Variants in SLC11A2 observed in about 807,000 individuals in gnomAD.
SLC11A2 encodes solute carrier family 11 member 2.
Under a neutral mutation model 68.0 loss-of-function variants are expected in SLC11A2, and 38 were observed. The ratio of observed to expected loss-of-function variants is 0.56; its 90% CI spans 0.43 to 0.73. The LOEUF is 0.73. Among genes scored for constraint, SLC11A2 ranks in the 30% least tolerant of loss-of-function variants. SLC11A2 has a pLI of 0.00. For synonymous variants in SLC11A2, 242 were observed against 250.6 expected (o/e 0.97, Z 0.32); for missense variants, 517 against 690.5 (o/e 0.75, Z 2.82).
chr12:50,997,984 C>T (rs1038857242), intron 8 of SLC11A2, among the ~76,000 whole-genome samples: 1 of 34,222 alleles, frequency 2.9e-5, no homozygotes, highest in African/African-American at 5.8e-5. Flanking sequence ...GAGACTCCAT[C>T]TCAAAAAAAA....
At chr12:50,967,059 G>T in the SLC11A2 span, among the ~76,000 whole-genome samples, 1 of 151,762 alleles carries the variant, frequency 6.6e-6, no homozygotes, top group African/African-American at 2.4e-5. Context: ...GGTTGCAGTA[G>T]GCCAAGATCA....
chr12:51,013,289 C>CTTTT (rs10588295), intron 1 of SLC11A2, among the ~76,000 whole-genome samples: 7 of 130,984 alleles, frequency 5.3e-5, no homozygotes, highest in African/African-American at 1.7e-4. Flanking sequence ...AATTAAATTG[C>CTTTT]TTTTTTTTTT....
the SLC11A2 span, among the ~76,000 whole-genome samples, chr12:50,970,201 T>G: frequency 6.6e-6 from 1 of 152,214 alleles, no homozygotes; most frequent in African/African-American, 2.4e-5. Context: ...CACCAATATT[T>G]TGGTGGCACT....
the SLC11A2 span, chr12:50,960,891 G>T: frequency 7.8e-7 from 1 of 1,281,154 alleles, no homozygotes; most frequent in Non-Finnish European, 1.1e-6. Context: ...TGTTGCCCAG[G>T]CTGTTTTCAA....
the SLC11A2 span, among the ~76,000 whole-genome samples, chr12:50,955,003 A>G: frequency 6.7e-6 from 1 of 148,718 alleles, no homozygotes; most frequent in Non-Finnish European, 1.5e-5. Context: ...AAGTGATACT[A>G]TAATTAGGCC....
chr12:51,015,754 G>C (rs977404800), intron 1 of SLC11A2, among the ~76,000 whole-genome samples: 7 of 152,132 alleles, frequency 4.6e-5, no homozygotes, highest in African/African-American at 1.7e-4. Context: ...GATTAACATT[G>C]CTTTGATATT....
At chr12:51,026,833 C>T (rs975483309), upstream of SLC11A2, among the ~76,000 whole-genome samples, 1 of 152,074 alleles carries the variant, frequency 6.6e-6, no homozygotes, top group African/African-American at 2.4e-5. Context: ...GAGTTCGATA[C>T]CAGCCTGGGC....
the SLC11A2 span, among the ~76,000 whole-genome samples, chr12:50,962,713 A>T: frequency 5.3e-5 from 8 of 152,062 alleles, no homozygotes; most frequent in African/African-American, 1.7e-4. Flanking sequence ...AGAAAAAAAA[A>T]TTTTTTTGCT....
At chr12:51,017,871 C>T (rs1249601849) in intron 1 of SLC11A2, among the ~76,000 whole-genome samples, 1 of 152,110 alleles carries the variant, frequency 6.6e-6, no homozygotes, top group Non-Finnish European at 1.5e-5. Flanking sequence ...CTCCGTGTTC[C>T]CTCAAGGCAC....
At chr12:50,959,181 G>A in the SLC11A2 span, among the ~76,000 whole-genome samples, 4 of 151,552 alleles carry the variant, frequency 2.6e-5, no homozygotes, top group East Asian at 3.9e-4. Context: ...GTGCAATGGT[G>A]CAATCTCAGC....
Position 50,987,214 on chromosome 12 carries a change from T to C in SLC11A2, c.*1111A>G, listed in dbSNP as rs1229949969. 7.8e-7 allele frequency: 1 copy of C among 1,287,108 alleles called. No individual in the cohort carries two copies. Among genetic ancestry groups the C allele is most frequent in the South Asian group, 1.2e-5 (1 of 80,932 alleles). The allele number at this position is 1,287,108 out of a possible 1,614,324, so 79.7% of individuals were successfully genotyped here. A position where few individuals can be genotyped will look rare whatever the true frequency, so the allele number is the denominator to read the frequency against. ...GTAGAGAGGTAGCCCAGTTCAACTT[T>C]GCTGAGACAGTGAACTTTGCAACCA... On this transcript the variant is annotated 3_prime_UTR_variant, in exon 16 of 16. Transcript: ENST00000262052.
chr12:51,009,262 C>T (rs1003036769), intron 2 of SLC11A2: 62 of 1,304,000 alleles, frequency 4.8e-5, no homozygotes, highest in Non-Finnish European at 5.7e-5. Flanking sequence ...CTAAGGCTTG[C>T]AGTAAAGTGC....
At chr12:50,992,743 AAAAG>A (rs370359489) in intron 12 of SLC11A2, 63 bp downstream of exon 12, 870 of 1,327,926 alleles carry the variant, frequency 6.6e-4, no homozygotes, top group Middle Eastern at 1.7e-3. Flanking sequence ...AAAAAAAAAA[AAAAG>A]AAGAAGAAGA....
intron 8 of SLC11A2, 106 bp downstream of exon 8, chr12:50,999,055 GATACACCCACTAT>G (rs764340121): frequency 3.5e-4 from 303 of 867,520 alleles, no homozygotes; most frequent in South Asian, 8.5e-4. Context: ...GCTTTTTGTT[GATACACCCACTAT>G]AAGTGAATCA....
chr12:51,017,547 T>C (rs751316494), intron 1 of SLC11A2, among the ~76,000 whole-genome samples: 22 of 152,232 alleles, frequency 1.4e-4, no homozygotes, highest in Non-Finnish European at 2.6e-4. Flanking sequence ...AACCTCTCAC[T>C]GAATATACAC....
chr12:50,972,595 C>T, the SLC11A2 span, among the ~76,000 whole-genome samples: 1 of 152,208 alleles, frequency 6.6e-6, no homozygotes, highest in Non-Finnish European at 1.5e-5. Context: ...TTCTCCATTT[C>T]CAACTGAGGT....
rs1312526294 is a variant in SLC11A2 at position 50,986,800 on chromosome 12, T to C, written c.*1525A>G. 5.4e-6 allele frequency: 7 copies of C among 1,287,214 alleles called. No individual in the cohort carries two copies. The highest frequency in any genetic ancestry group is 7.1e-6 in the Non-Finnish European group (7 of 988,696). The allele number at this position is 1,287,214 out of a possible 1,614,324, so 79.7% of individuals were successfully genotyped here. A position where few individuals can be genotyped will look rare whatever the true frequency, so the allele number is the denominator to read the frequency against. On this transcript the variant is annotated 3_prime_UTR_variant, in exon 16 of 16. Coordinates refer to ENST00000262052, the MANE Select transcript of SLC11A2 (RefSeq NM_000617.3). ...ATGTATGGTCAGTGAAACACAGTAG[T>C]GTACCCTTAAATGCCTTATAAAAGA... is the stretch of plus-strand genomic sequence containing the variant.
chr12:51,001,397 T>C (rs903724203), intron 5 of SLC11A2, among the ~76,000 whole-genome samples: 1 of 148,834 alleles, frequency 6.7e-6, no homozygotes. Context: ...TGGGGGAGGG[T>C]GGAAGGAGAG....
In SLC11A2 at chr12:50,999,412, A is replaced by G; in HGVS notation, c.540T>C (p.Ile180=). ...IAINLLSVGR[I]PLWGGVLITI... is the part of the protein sequence containing the mutation. ...TGATGAGAACGCCACCCCACAGAGG[A>G]ATTCTAGGTCAGAGATGAGATATGG... The change falls in exon 7 of 16, where the codon ATT becomes ATC. Residue 180 remains isoleucine, a synonymous_variant. Coordinates refer to ENST00000262052, the MANE Select transcript of SLC11A2 (RefSeq NM_000617.3). 6.2e-7 allele frequency: 1 copy of G among 1,612,144 alleles called. No individual in the cohort carries two copies. The highest frequency in any genetic ancestry group is 8.5e-7 in the Non-Finnish European group (1 of 1,178,162).
Sources: allele counts gnomAD v4.1 joint callset (sites outside exome capture counted in the v4.1 genomes callset), GRCh38; gene constraint gnomAD v4.1.1; transcripts MANE v1.5; gene names NCBI Gene and HGNC (gene_info 2026-07-23, HGNC 2026-07-21).